Variants in UBE2E2 observed in about 807,000 individuals in gnomAD.
The protein encoded by UBE2E2 is ubiquitin conjugating enzyme E2 E2.
Under a neutral mutation model 24.7 loss-of-function variants are expected in UBE2E2, and 6 were observed. The observed-to-expected ratio is 0.24, with a 90% CI of 0.13 to 0.48. The LOEUF is 0.48. Among genes scored for constraint, UBE2E2 ranks in the 20% least tolerant of loss-of-function variants. The probability of loss-of-function intolerance (pLI) is 0.99; values close to 1 mark genes in which losing one functional copy is unlikely to be tolerated. For missense variants in UBE2E2, 169 were observed against 245.0 expected (o/e 0.69, Z 2.07); for synonymous variants, 104 against 83.6 (o/e 1.24, Z -1.33).
At chr3:23,376,947 G>C (rs1238452525) in intron 3 of UBE2E2, among the ~76,000 whole-genome samples, 1 of 152,148 alleles carries the variant, frequency 6.6e-6, no homozygotes, top group Non-Finnish European at 1.5e-5. Flanking sequence ...AAACACTCCA[G>C]CTTCTTCTTA....
chr3:23,384,157 A>G (rs1378206459), intron 3 of UBE2E2, among the ~76,000 whole-genome samples: 3 of 151,866 alleles, frequency 2.0e-5, no homozygotes, highest in Non-Finnish European at 4.4e-5. Context: ...CACCACACCC[A>G]GCTAAGTTTT....
At position 23,589,336 on chromosome 3, in the gene UBE2E2, T is replaced by C. The variant is rs1696705918; in HGVS notation, c.509-398T>C. Among the ~76,000 whole-genome samples the C allele has an allele frequency of 6.6e-6, 1 of 151,706 alleles. No homozygotes were observed. The highest frequency in any genetic ancestry group is 2.1e-4 in the South Asian group (1 of 4,804). On this transcript the variant is annotated intron_variant, in intron 5 of 5. Coordinates refer to ENST00000396703, the MANE Select transcript of UBE2E2 (RefSeq NM_152653.4). This position sits in a 1 kb window ranked among gnomAD's most constrained non-coding sequence, Gnocchi z 4.1. Reference sequence around the variant, plus strand: ...TCAGGAGGCTGAGGCAGGAGGAGGATTGCTTGATCCCAGGAGGTCAAGGCT... The same window carrying C: ...TCAGGAGGCTGAGGCAGGAGGAGGACTGCTTGATCCCAGGAGGTCAAGGCT...
intron 3 of UBE2E2, among the ~76,000 whole-genome samples, chr3:23,231,052 G>A (rs191052121): frequency 1.3e-5 from 2 of 152,150 alleles, no homozygotes; most frequent in Non-Finnish European, 2.9e-5. Context: ...TACCTTTAGA[G>A]GAACTGAAAA....
chr3:23,385,552 A>T (rs182311221), intron 3 of UBE2E2, among the ~76,000 whole-genome samples: 1 of 152,212 alleles, frequency 6.6e-6, no homozygotes, highest in Non-Finnish European at 1.5e-5. Flanking sequence ...TTGTCTGTTA[A>T]TGTCAGGTGT....
intron 3 of UBE2E2, among the ~76,000 whole-genome samples, chr3:23,288,319 G>A (rs1444111720): frequency 6.6e-6 from 1 of 152,164 alleles, no homozygotes; most frequent in Non-Finnish European, 1.5e-5. Flanking sequence ...TTTGAGACTT[G>A]TTTTGTGGCC....
intron 3 of UBE2E2, among the ~76,000 whole-genome samples, chr3:23,257,811 A>G (rs1012619655): frequency 4.6e-5 from 7 of 151,896 alleles, no homozygotes; most frequent in Non-Finnish European, 7.4e-5. Flanking sequence ...ATAGGCTGGC[A>G]TTTGCTTTAC....
intron 5 of UBE2E2, among the ~76,000 whole-genome samples, chr3:23,580,093 G>A (rs1251118907): frequency 2.0e-5 from 3 of 152,222 alleles, no homozygotes; most frequent in African/African-American, 7.2e-5. Flanking sequence ...TTCCTAAGAT[G>A]AAATCTACTG....
Position 23,266,831 on chromosome 3 carries a change from G to T in UBE2E2, c.227+49519G>T, listed in dbSNP as rs1203375005. Among the ~76,000 whole-genome samples, 3 of 152,106 alleles carry T rather than the reference G, an allele frequency of 2.0e-5. No individual in the cohort carries two copies. The East Asian group carries it at 5.8e-4, about 29-fold the overall frequency. The stretch of plus-strand genomic sequence containing the variant: ...AAAGTTCTCCTCAGCAAATGTAAAA[G>T]AACAGAAATTATAACAAACTGTCTC... On this transcript the variant is annotated intron_variant, in intron 3 of 5. Coordinates refer to ENST00000396703, the MANE Select transcript of UBE2E2 (RefSeq NM_152653.4).
intron 5 of UBE2E2, among the ~76,000 whole-genome samples, chr3:23,580,421 A>T (rs144443652): frequency 1.3e-5 from 2 of 152,376 alleles, no homozygotes; most frequent in East Asian, 3.8e-4. Flanking sequence ...ATTACGACTT[A>T]CTGAAGGCTC....
chr3:23,414,811 T>C (rs1308514615), intron 3 of UBE2E2, among the ~76,000 whole-genome samples: 1 of 152,200 alleles, frequency 6.6e-6, no homozygotes, highest in African/African-American at 2.4e-5. Context: ...TCTTCCACCA[T>C]ATGAGAACAC....
At chr3:23,414,456 G>T (rs1192460998) in intron 3 of UBE2E2, among the ~76,000 whole-genome samples, 1 of 152,202 alleles carries the variant, frequency 6.6e-6, no homozygotes, top group African/African-American at 2.4e-5. Context: ...AACCGTTCAT[G>T]AAGGATCCAC....
Position 23,337,656 on chromosome 3 carries a change from GA to G in UBE2E2, c.227+120345del, listed in dbSNP as rs539169719. ...AGCAGGACTAAGGCGGGGATGTAGG[GA>G]GAAGGAGTACTTATAGTTTAGTGGG... On this transcript the variant is annotated intron_variant, in intron 3 of 5. Transcript: ENST00000396703. Among the ~76,000 whole-genome samples, 946 of 152,298 alleles carry G rather than the reference GA, an allele frequency of 6.2e-3. 14 individuals carry two copies. The highest frequency in any genetic ancestry group is 0.021 in the African/African-American group (874 of 41,544).
At chr3:23,394,233 T>A (rs1000586076) in intron 3 of UBE2E2, among the ~76,000 whole-genome samples, 26 of 152,210 alleles carry the variant, frequency 1.7e-4, no homozygotes, top group African/African-American at 6.3e-4. Context: ...CCTGGTTCTT[T>A]TTGTAACAAG....
At chr3:23,358,783 TATTGTGCC>T (rs1422802261) in intron 3 of UBE2E2, among the ~76,000 whole-genome samples, 1 of 152,232 alleles carries the variant, frequency 6.6e-6, no homozygotes, top group Non-Finnish European at 1.5e-5. Flanking sequence ...TGCTTTAAGT[TATTGTGCC>T]ATTGTGCATG....
chr3:23,217,737 G>C (rs1287203541), intron 3 of UBE2E2, among the ~76,000 whole-genome samples: 1 of 151,982 alleles, frequency 6.6e-6, no homozygotes, highest in Non-Finnish European at 1.5e-5. Flanking sequence ...TTTCTTCATG[G>C]TTTACATTAT....
At chr3:23,287,020 A>G (rs1698630860) in intron 3 of UBE2E2, among the ~76,000 whole-genome samples, 1 of 152,116 alleles carries the variant, frequency 6.6e-6, no homozygotes, top group Non-Finnish European at 1.5e-5. Flanking sequence ...ATCTTAGAGG[A>G]AAGTCTTTCA....
At chr3:23,408,396 G>A (rs538154562) in intron 3 of UBE2E2, among the ~76,000 whole-genome samples, 50 of 152,160 alleles carry the variant, frequency 3.3e-4, no homozygotes, top group African/African-American at 1.1e-3. Flanking sequence ...CTTTAAATCT[G>A]GATCACACTG....
chr3:23,208,558 T>G, intron 1 of UBE2E2, 134 bp from the exon 2 acceptor site: 1 of 625,412 alleles, frequency 1.6e-6, no homozygotes, highest in Non-Finnish European at 2.4e-6. Context: ...CAAAGCTGCA[T>G]TGTTTTGTAA....
chr3:23,275,788 T>A (rs561950686), intron 3 of UBE2E2, among the ~76,000 whole-genome samples: 1 of 152,018 alleles, frequency 6.6e-6, no homozygotes, highest in Non-Finnish European at 1.5e-5. Context: ...AACTTAGAAG[T>A]CAGAGAACAC....
Sources: gnomAD v4.1 joint callset for allele counts (sites outside exome capture counted in the v4.1 genomes callset) on GRCh38, gnomAD v4.1.1 for gene constraint, Gnocchi (gnomAD v3.1) non-coding constraint, MANE v1.5 for transcripts, NCBI Gene and HGNC (gene_info 2026-07-23, HGNC 2026-07-21) for gene names.